The following NMT1 variants were observed in gnomAD, a reference collection of about 807,000 sequenced individuals.
The protein encoded by NMT1 is N-myristoyltransferase 1.
A neutral mutation model predicts 63.4 loss-of-function variants in NMT1; 12 were observed. That is an observed-to-expected ratio of 0.19 (90% CI 0.12 to 0.31). The LOEUF (loss-of-function observed/expected upper bound fraction) is 0.31, where lower values mean the gene tolerates loss of function less well. NMT1 is among the 10% of genes least tolerant of loss of function. NMT1 has a pLI of 1.00. For synonymous variants in NMT1, 228 were observed against 234.3 expected (o/e 0.97, Z 0.25); for missense variants, 432 against 634.6 (o/e 0.68, Z 3.43).
chr17:45,087,098 C>T (rs1305737126), intron 3 of NMT1, among the ~76,000 whole-genome samples: 1 of 151,568 alleles, frequency 6.6e-6, no homozygotes, highest in African/African-American at 2.4e-5. Context: ...GAGGTCAAGG[C>T]GGCAGTGAGC....
At chr17:45,090,590 CTTTG>C (rs2054081629) in intron 3 of NMT1, among the ~76,000 whole-genome samples, 1 of 152,078 alleles carries the variant, frequency 6.6e-6, no homozygotes, top group African/African-American at 2.4e-5. Context: ...TCTCCTTGGC[CTTTG>C]TTTGGTTTAA....
chr17:45,096,364 C>A, intron 5 of NMT1, 79 bp downstream of exon 5: 1 of 1,187,628 alleles, frequency 8.4e-7, no homozygotes, highest in Non-Finnish European at 1.3e-6. Context: ...GAGTTTTCAT[C>A]CCTGCCAGGG....
intron 1 of NMT1, among the ~76,000 whole-genome samples, chr17:45,072,585 A>ATTTCCCAT (rs1236709114): frequency 9.5e-6 from 1 of 105,194 alleles, no homozygotes; most frequent in Non-Finnish European, 1.9e-5. Flanking sequence ...TTTGAGATGG[A>ATTTCCCAT]GTCTCTCTCT....
intron 1 of NMT1, among the ~76,000 whole-genome samples, chr17:45,076,488 G>T (rs921627436): frequency 2.0e-5 from 3 of 151,578 alleles, no homozygotes; most frequent in Admixed American, 1.3e-4. Flanking sequence ...GGTGGCTCAT[G>T]CCTGTAATCC....
At chr17:45,094,523 T>A (rs1376630362) in intron 4 of NMT1, among the ~76,000 whole-genome samples, 1 of 150,702 alleles carries the variant, frequency 6.6e-6, no homozygotes, top group Non-Finnish European at 1.5e-5. Context: ...ACAGAATTTT[T>A]TTTTTTTTTG....
chr17:45,065,812 G>A (rs955771061), intron 1 of NMT1, among the ~76,000 whole-genome samples: 2 of 151,308 alleles, frequency 1.3e-5, no homozygotes, highest in African/African-American at 4.9e-5. Context: ...CAATGCTAGA[G>A]AGTCTAAAAT....
chr17:45,082,415 CAA>C (rs539879962), intron 2 of NMT1, among the ~76,000 whole-genome samples: 150 of 152,174 alleles, frequency 9.9e-4, no homozygotes, highest in African/African-American at 3.5e-3. Context: ...TGCATTCAGC[CAA>C]AGACTTCTTC....
At chr17:45,080,763 A>G (rs1307006102) in intron 1 of NMT1, among the ~76,000 whole-genome samples, 2 of 145,786 alleles carry the variant, frequency 1.4e-5, no homozygotes, top group Non-Finnish European at 1.5e-5. Flanking sequence ...GCCACCGCGC[A>G]TTGCTGCCTT....
chr17:45,098,057 G>C (rs577637589), intron 6 of NMT1, among the ~76,000 whole-genome samples: 1 of 152,132 alleles, frequency 6.6e-6, no homozygotes, highest in Admixed American at 6.5e-5. Flanking sequence ...CTGCCCCGTG[G>C]GTTCCCTGTG....
intron 2 of NMT1, among the ~76,000 whole-genome samples, 190 bp downstream of exon 2, chr17:45,081,942 GAC>G (rs1263976943): frequency 6.6e-6 from 1 of 152,164 alleles, no homozygotes; most frequent in African/African-American, 2.4e-5. Flanking sequence ...TACCCTAAAA[GAC>G]ACAGCAGGTC....
At chr17:45,086,340 G>T (rs2054052444) in intron 2 of NMT1, among the ~76,000 whole-genome samples, 168 bp from the exon 3 acceptor site, 2 of 151,824 alleles carry the variant, frequency 1.3e-5, no homozygotes, top group Admixed American at 6.6e-5. Context: ...GGTCAGGTGG[G>T]TCTCGAACTC....
intron 8 of NMT1, among the ~76,000 whole-genome samples, chr17:45,102,174 A>C (rs891006912): frequency 6.6e-6 from 1 of 152,232 alleles, no homozygotes; most frequent in Non-Finnish European, 1.5e-5. Flanking sequence ...CAATTCCTGC[A>C]CTGGGAAGCA....
intron 1 of NMT1, 101 bp from the exon 2 acceptor site, chr17:45,081,543 C>A: frequency 9.6e-7 from 1 of 1,046,876 alleles, no homozygotes; most frequent in Non-Finnish European, 1.4e-6. Flanking sequence ...AGCCAACAGG[C>A]TTGATTAAGG....
In NMT1 at chr17:45,105,597, C is replaced by T. The variant is rs753585647; in HGVS notation, c.1471-22C>T. On this transcript the variant is annotated intron_variant, in intron 11 of 11. Transcript: ENST00000258960. This position sits in a 1 kb window ranked among gnomAD's most constrained non-coding sequence, Gnocchi z 4.2. The stretch of plus-strand genomic sequence containing the variant: ...TGGGCCACTGTCAACTCAGCTCTGC[C>T]TCTCCCTGTTGGCTTTCCTAGGTTG... 6.2e-7 allele frequency: 1 copy of T among 1,613,128 alleles called. No homozygotes were observed. The highest frequency in any genetic ancestry group is 8.5e-7 in the Non-Finnish European group (1 of 1,179,696).
chr17:45,101,031 A>G (rs2054160248), intron 8 of NMT1, among the ~76,000 whole-genome samples: 1 of 147,580 alleles, frequency 6.8e-6, no homozygotes, highest in South Asian at 2.2e-4. Flanking sequence ...AATACAAAAA[A>G]AAATTAGCCG....
chr17:45,100,144 A>G (rs2143516639), intron 8 of NMT1, among the ~76,000 whole-genome samples: 1 of 152,124 alleles, frequency 6.6e-6, no homozygotes, highest in South Asian at 2.1e-4. Flanking sequence ...GCTGGAGTGC[A>G]GTGGCACAGT....
At chr17:45,101,756 T>C (rs2054168101) in intron 8 of NMT1, among the ~76,000 whole-genome samples, 1 of 151,900 alleles carries the variant, frequency 6.6e-6, no homozygotes, top group Non-Finnish European at 1.5e-5. Flanking sequence ...CTCCTCAGCC[T>C]CTAAACAGGA....
intron 2 of NMT1, among the ~76,000 whole-genome samples, chr17:45,084,336 CT>C (rs59845744): frequency 1.6e-4 from 23 of 141,130 alleles, no homozygotes; most frequent in Admixed American, 2.9e-4. Flanking sequence ...GCTTGGTAAA[CT>C]TTTTTTTTTT....
intron 1 of NMT1, among the ~76,000 whole-genome samples, chr17:45,067,783 A>G (rs2053912318): frequency 1.3e-5 from 2 of 152,234 alleles, no homozygotes. Flanking sequence ...TTAAATGGCA[A>G]TTAAAAAGAA....
Sources: gnomAD v4.1 joint callset for allele counts (sites outside exome capture counted in the v4.1 genomes callset) on GRCh38, gnomAD v4.1.1 for gene constraint, Gnocchi (gnomAD v3.1) non-coding constraint, MANE v1.5 for transcripts, NCBI Gene and HGNC (gene_info 2026-07-23, HGNC 2026-07-21) for gene names.